Variants in SNURF observed in about 807,000 individuals in gnomAD.
SNURF encodes SNURF protein.
A neutral mutation model predicts 11.6 loss-of-function variants in SNURF; 6 were observed. The observed-to-expected ratio is 0.52, with a 90% CI of 0.28 to 1.02. SNURF has a LOEUF of 1.02. Among genes scored for constraint, SNURF ranks in the 50% least tolerant of loss-of-function variants. The pLI is 0.09. For synonymous variants in SNURF, 29 were observed against 31.6 expected, an observed-to-expected ratio of 0.92 and a Z score of 0.27; for missense variants, 84 against 88.4, an observed-to-expected ratio of 0.95 and a Z score of 0.20.
Position 24,959,435 on chromosome 15 carries a change from A to G in SNURF, c.15-2679A>G, listed in dbSNP as rs569792702. ...GGAGCCTGGGAGTTCAAGCTTGGGTATTGAGACCCCGTCTCTACATTTAAA... is the reference window on the plus strand; with the variant it reads ...GGAGCCTGGGAGTTCAAGCTTGGGTGTTGAGACCCCGTCTCTACATTTAAA... On this transcript the variant is annotated intron_variant, in intron 1 of 2. Transcript: ENST00000577949. Among the ~76,000 whole-genome samples, 3 of 152,270 alleles carry G rather than the reference A, an allele frequency of 2.0e-5. No individual in the cohort carries two copies. In the East Asian group the frequency reaches 5.8e-4, roughly 29 times the overall value.
At chr15:24,973,724 C>T (rs901525874), downstream of SNURF, among the ~76,000 whole-genome samples, 2 of 152,086 alleles carry the variant, frequency 1.3e-5, no homozygotes, top group African/African-American at 4.8e-5. Flanking sequence ...TAACTTTGTC[C>T]TTCATTACTT....
chr15:24,965,613 T>G (rs2075500060), intron 2 of SNURF, among the ~76,000 whole-genome samples: 1 of 152,212 alleles, frequency 6.6e-6, no homozygotes, highest in South Asian at 2.1e-4. Context: ...GTCACTAAAT[T>G]AGCTCTTATT....
rs1016480124 is a variant in SNURF, at chr15:24,965,848, C to T, written c.111-2084C>T. Among the ~76,000 whole-genome samples the T allele has an allele frequency of 5.3e-5, 8 of 151,716 alleles. No individual in the cohort carries two copies. The South Asian group carries it at 8.3e-4, about 16-fold the overall frequency. On this transcript the variant is annotated intron_variant, in intron 2 of 2. Transcript: ENST00000577949. ...GACATTGCAATAGAGAATTATCTTA[C>T]GTTTCAAGATAACATTATATATATT...
downstream of SNURF, among the ~76,000 whole-genome samples, chr15:24,970,707 G>A (rs955038110): frequency 1.3e-5 from 2 of 152,112 alleles, no homozygotes; most frequent in Admixed American, 6.6e-5. Flanking sequence ...ACTTTTAAAC[G>A]TTTTTGTTAC....
At chr15:24,959,712 C>T (rs969006167) in intron 1 of SNURF, among the ~76,000 whole-genome samples, 1 of 152,092 alleles carries the variant, frequency 6.6e-6, no homozygotes, top group Non-Finnish European at 1.5e-5. Context: ...CTGATCAGTA[C>T]TAAATTCCTT....
chr15:24,978,655 C>T, downstream of SNURF: 1 of 590,768 alleles, frequency 1.7e-6, no homozygotes, highest in Admixed American at 3.1e-5. Context: ...GAGGGTGATG[C>T]CTATTAAGCA....
In SNURF at chr15:24,977,798, A is replaced by C; in HGVS notation, c.*483A>C. On this transcript the variant is annotated 3_prime_UTR_variant and NMD_transcript_variant, in exon 7 of 7. Coordinates refer to the SNURF transcript ENST00000580062. ...CTCAGGTAATGACTCCACAGGGAAG[A>C]GGCACTGTAGCAGCTGCTGCTGTTG... 1.2e-6 allele frequency: 2 copies of C among 1,612,520 alleles called. No individual in the cohort carries two copies. The highest frequency in any genetic ancestry group is 1.7e-6 in the Non-Finnish European group (2 of 1,179,164).
At chr15:24,971,713 A>T (rs1226191632), downstream of SNURF, among the ~76,000 whole-genome samples, 1 of 152,182 alleles carries the variant, frequency 6.6e-6, no homozygotes, top group Admixed American at 6.6e-5. Flanking sequence ...TCACAAAAAA[A>T]TTCCAACCTC....
In SNURF at chr15:24,974,320, A is replaced by G. The variant is rs1224914028; in HGVS notation, c.*46-1038A>G. The G allele has an allele frequency of 1.4e-5, 11 of 798,682 alleles. No individual in the cohort carries two copies. In the East Asian group the frequency reaches 2.0e-4, roughly 14 times the overall value. The allele number at this position is 798,682 out of a possible 1,614,324, so 49.5% of individuals were successfully genotyped here. On this transcript the variant is annotated intron_variant and NMD_transcript_variant, in intron 3 of 6. Transcript: ENST00000580062. The stretch of plus-strand genomic sequence containing the variant: ...ATGCTTTCCTCTGCAGGCTCCATCT[A>G]CTCTTTGAAGCTTCTGCCCAGCTTG...
At chr15:24,969,804 T>C (rs1250638237), downstream of SNURF, among the ~76,000 whole-genome samples, 1 of 152,196 alleles carries the variant, frequency 6.6e-6, no homozygotes, top group South Asian at 2.1e-4. Context: ...GAAGAAGGGT[T>C]GGTAATATAT....
chr15:24,956,354 CG>C (rs10626759), intron 1 of SNURF, among the ~76,000 whole-genome samples: 1 of 138,224 alleles, frequency 7.2e-6, no homozygotes, highest in Admixed American at 7.7e-5. Flanking sequence ...AGCGCTTCAG[CG>C]GGGGGGTGGC....
intron 3 of SNURF, chr15:24,975,237 G>A (rs1162257679): frequency 4.1e-6 from 3 of 732,730 alleles, no homozygotes; most frequent in South Asian, 3.5e-5. Context: ...AAAAAGGAGA[G>A]AATATTTGTT....
chr15:24,975,269 G>C (rs1566975349), intron 3 of SNURF: 1 of 1,021,842 alleles, frequency 9.8e-7, no homozygotes, highest in South Asian at 1.5e-5. Context: ...ACCAGGCTTA[G>C]ATTATGTAAG....
At position 24,974,196 on chromosome 15, in the gene SNURF, A is replaced by AT; in HGVS notation, c.*46-1161dup. On this transcript the variant is annotated intron_variant and NMD_transcript_variant, in intron 3 of 6. Transcript: ENST00000580062. ...GCAGTCCCTTGGTGAGGAAGCTAGT[A>AT]TGAGAGGAAGGATGTTTTTGAACGT... The AT allele has an allele frequency of 9.8e-6, 5 of 509,092 alleles. No individual in the cohort carries two copies. The South Asian group carries it at 1.2e-4, about 12-fold the overall frequency. 31.5% of individuals were successfully genotyped at this position (509,092 alleles called of 1,614,324 possible). A position where few individuals can be genotyped will look rare whatever the true frequency, so the allele number is the denominator to read the frequency against.
At chr15:24,968,073 C>A in exon 3 of SNURF, 1 of 1,571,446 alleles carries the variant, frequency 6.4e-7, no homozygotes, top group East Asian at 2.2e-5. Flanking sequence ...TGATTCCAAG[C>A]AAAAACCAGG....
intron 5 of SNURF, chr15:24,976,561 G>A (rs1414579026): frequency 1.4e-6 from 1 of 692,620 alleles, no homozygotes; most frequent in Non-Finnish European, 2.5e-6. Context: ...ATTGTTGGTT[G>A]CCTATGCTAT....
chr15:24,977,181 T>G, intron 6 of SNURF: 2 of 568,426 alleles, frequency 3.5e-6, no homozygotes, highest in Non-Finnish European at 5.7e-6. Context: ...AGGAAGGGAA[T>G]AAAACTAGCT....
exon 1 of SNURF, chr15:24,955,015 T>A (rs774303237): frequency 6.8e-6 from 11 of 1,612,368 alleles, no homozygotes; most frequent in Non-Finnish European, 9.3e-6. Context: ...CGGAGATGCC[T>A]GACGCATCTG....
intron 2 of SNURF, 24 bp downstream of exon 2, chr15:24,962,233 C>G (rs375201041): frequency 6.3e-6 from 10 of 1,581,930 alleles, no homozygotes; most frequent in Non-Finnish European, 8.7e-6. Context: ...GTGTTGGGAA[C>G]AAATGCAAGT....
Sources: allele counts gnomAD v4.1 joint callset (sites outside exome capture counted in the v4.1 genomes callset), GRCh38; gene constraint gnomAD v4.1.1; transcripts MANE v1.5; gene names NCBI Gene and HGNC (gene_info 2026-07-23, HGNC 2026-07-21).